RASGEF1C: variants seen among roughly 807,000 people sequenced by gnomAD.
The protein encoded by RASGEF1C is RasGEF domain family member 1C.
Under a neutral mutation model 58.1 loss-of-function variants are expected in RASGEF1C, and 27 were observed. The ratio of observed to expected loss-of-function variants is 0.46; its 90% CI spans 0.34 to 0.64. RASGEF1C has a LOEUF of 0.64. Among genes scored for constraint, RASGEF1C ranks in the 30% least tolerant of loss-of-function variants. The pLI, the probability that RASGEF1C is intolerant of heterozygous loss-of-function variation, is 0.01. For missense variants in RASGEF1C, 502 were observed against 605.1 expected, an observed-to-expected ratio of 0.83 and a Z score of 1.79; for synonymous variants, 243 against 246.3, an observed-to-expected ratio of 0.99 and a Z score of 0.13.
At chr5:180,202,215 C>T (rs1033641063) in intron 1 of RASGEF1C, among the ~76,000 whole-genome samples, 4 of 151,788 alleles carry the variant, frequency 2.6e-5, no homozygotes, top group African/African-American at 9.7e-5. Context: ...ATGAAAACAA[C>T]CATAAAACAA....
intron 1 of RASGEF1C, among the ~76,000 whole-genome samples, chr5:180,148,809 T>C (rs1401081594): frequency 1.3e-5 from 2 of 152,208 alleles, no homozygotes; most frequent in African/African-American, 4.8e-5. Flanking sequence ...TTACCAGATA[T>C]TTTTGTTAAC....
chr5:180,111,960 C>T (rs1582260710), intron 11 of RASGEF1C, among the ~76,000 whole-genome samples: 3 of 152,194 alleles, frequency 2.0e-5, no homozygotes, highest in East Asian at 3.9e-4. Flanking sequence ...AAAAAGGTGC[C>T]AACTTTAAAT....
Position 180,209,120 on chromosome 5 carries a change from CCGCCGCCGCCG to C in RASGEF1C, c.-110_-100del, listed in dbSNP as rs1204802224. 4.9e-4 allele frequency: 2 copies of C among 4,076 alleles called. No homozygotes were observed. The highest frequency in any genetic ancestry group is 1.3e-3 in the Non-Finnish European group (2 of 1,550). The allele number at this position is 4,076 out of a possible 1,614,324, so 0.3% of individuals were successfully genotyped here. Reference sequence around the variant, plus strand: ...CGGACCGGGGCGCCGCCCGCCGCCGCCGCCGCCGCCGCCGCCGCCGCCGCCGCCGCCCGACC... The same window carrying C: ...CGGACCGGGGCGCCGCCCGCCGCCGCCCGCCGCCGCCGCCGCCGCCCGACC... On this transcript the variant is annotated 5_prime_UTR_variant, in exon 1 of 14. Transcript: ENST00000361132.
At chr5:180,144,082 G>T (rs1766627303) in intron 1 of RASGEF1C, among the ~76,000 whole-genome samples, 1 of 152,206 alleles carries the variant, frequency 6.6e-6, no homozygotes, top group South Asian at 2.1e-4. Context: ...AGTGCCTGCT[G>T]TGGAGAAAGG....
chr5:180,208,764 G>A (rs1301616526), intron 1 of RASGEF1C, among the ~76,000 whole-genome samples: 1 of 151,936 alleles, frequency 6.6e-6, no homozygotes, highest in Non-Finnish European at 1.5e-5. Context: ...GCGCCCAGCA[G>A]GGGCTGGCGG....
At chr5:180,202,828 G>A (rs923549249) in intron 1 of RASGEF1C, among the ~76,000 whole-genome samples, 6 of 151,478 alleles carry the variant, frequency 4.0e-5, no homozygotes, top group South Asian at 2.1e-4. Flanking sequence ...TCAGCCTCCC[G>A]ACTAGCTGGG....
Position 180,156,607 on chromosome 5 carries a change from A to G in RASGEF1C, c.-6-18549T>C, listed in dbSNP as rs1423937804. Among the ~76,000 whole-genome samples, 1 of 152,062 alleles carries G rather than the reference A, an allele frequency of 6.6e-6. No homozygotes were observed. The highest frequency in any genetic ancestry group is 1.5e-5 in the Non-Finnish European group (1 of 68,018). On this transcript the variant is annotated intron_variant, in intron 1 of 13. Coordinates refer to ENST00000361132, the MANE Select transcript of RASGEF1C (RefSeq NM_175062.4). The surrounding 1 kb of genome is among the most constrained non-coding windows in gnomAD (Gnocchi z 4.9). ...AACATGGTGAGATCCTGTCTCTACTAAAAATTACTAAAAAATTAGCTGGGC... is the reference window on the plus strand; with the variant it reads ...AACATGGTGAGATCCTGTCTCTACTGAAAATTACTAAAAAATTAGCTGGGC...
At chr5:180,188,942 T>C (rs1406677454) in intron 1 of RASGEF1C, among the ~76,000 whole-genome samples, 1 of 152,072 alleles carries the variant, frequency 6.6e-6, no homozygotes, top group East Asian at 1.9e-4. Context: ...TTCAGTCTAG[T>C]ATAATAAGAC....
chr5:180,103,195 A>G (rs995759176), intron 12 of RASGEF1C, among the ~76,000 whole-genome samples: 1 of 151,844 alleles, frequency 6.6e-6, no homozygotes. Flanking sequence ...CTCCTGCCTC[A>G]CCCTCCCGAG....
intron 13 of RASGEF1C, among the ~76,000 whole-genome samples, 160 bp from the exon 14 acceptor site, chr5:180,101,685 A>C (rs1337754095): frequency 6.6e-6 from 1 of 152,188 alleles, no homozygotes; most frequent in East Asian, 1.9e-4. Flanking sequence ...CTCGAAGTCC[A>C]TTGCTATGGA....
At position 180,155,948 on chromosome 5, in the gene RASGEF1C, T is replaced by C. The variant is rs1766841854; in HGVS notation, c.-6-17890A>G. Reference sequence around the variant, plus strand: ...GCTGAGCAAGCAAGTGACCAGGTTATCCAATTAGAGCAAAGCCTGGGCTTT... The same window carrying C: ...GCTGAGCAAGCAAGTGACCAGGTTACCCAATTAGAGCAAAGCCTGGGCTTT... On this transcript the variant is annotated intron_variant, in intron 1 of 13. Transcript: ENST00000361132. The surrounding 1 kb of genome is among the most constrained non-coding windows in gnomAD (Gnocchi z 5.2). Among the ~76,000 whole-genome samples, 1 of 152,132 alleles carries C rather than the reference T, an allele frequency of 6.6e-6. No homozygotes were observed. Among genetic ancestry groups the C allele is most frequent in the Non-Finnish European group, 1.5e-5 (1 of 68,034 alleles).
At chr5:180,115,087 T>G (rs962178246) in intron 10 of RASGEF1C, among the ~76,000 whole-genome samples, 3 of 151,910 alleles carry the variant, frequency 2.0e-5, no homozygotes, top group Non-Finnish European at 4.4e-5. Context: ...TGATCTCAGC[T>G]CACTGCAAGC....
chr5:180,135,940 C>G (rs1450234009), intron 4 of RASGEF1C, among the ~76,000 whole-genome samples: 1 of 152,270 alleles, frequency 6.6e-6, no homozygotes, highest in Admixed American at 6.5e-5. Context: ...CCTGTAGACA[C>G]TCTTCCCTGG....
intron 1 of RASGEF1C, among the ~76,000 whole-genome samples, chr5:180,149,612 C>T (rs112527098): frequency 1.3e-4 from 20 of 151,890 alleles, no homozygotes; most frequent in Non-Finnish European, 2.2e-4. Flanking sequence ...TGCACCACCA[C>T]GCCCAGCTAA....
chr5:180,178,524 C>T (rs531183699), intron 1 of RASGEF1C, among the ~76,000 whole-genome samples: 46 of 152,116 alleles, frequency 3.0e-4, no homozygotes, highest in African/African-American at 1.0e-3. Context: ...AAGTGATCTG[C>T]CCGCCTCAGC....
At chr5:180,201,007 A>G (rs1190270353) in intron 1 of RASGEF1C, among the ~76,000 whole-genome samples, 2 of 152,184 alleles carry the variant, frequency 1.3e-5, no homozygotes, top group Non-Finnish European at 2.9e-5. Flanking sequence ...CTGAGGTGGG[A>G]GGATCACTTG....
chr5:180,101,819 T>G (rs1252636865), intron 13 of RASGEF1C, among the ~76,000 whole-genome samples: 1 of 152,224 alleles, frequency 6.6e-6, no homozygotes, highest in Non-Finnish European at 1.5e-5. Context: ...GCATCTTGAC[T>G]GCACACAGAG....
chr5:180,111,135 C>T (rs922232371), intron 12 of RASGEF1C, among the ~76,000 whole-genome samples: 4 of 152,062 alleles, frequency 2.6e-5, no homozygotes. Flanking sequence ...TATCATCATC[C>T]CCACTTTACT....
chr5:180,182,723 T>G (rs1223383499), intron 1 of RASGEF1C, among the ~76,000 whole-genome samples: 2 of 152,182 alleles, frequency 1.3e-5, no homozygotes, highest in Non-Finnish European at 2.9e-5. Context: ...TTGATGCGTT[T>G]TTACAGAGTG....
Sources: gnomAD v4.1 joint callset for allele counts (sites outside exome capture counted in the v4.1 genomes callset) on GRCh38, gnomAD v4.1.1 for gene constraint, Gnocchi (gnomAD v3.1) non-coding constraint, MANE v1.5 for transcripts, NCBI Gene and HGNC (gene_info 2026-07-23, HGNC 2026-07-21) for gene names.